Variants in AP2M1 observed in about 807,000 individuals in gnomAD.
AP2M1 encodes AP-2 complex subunit mu.
In AP2M1, 5 loss-of-function variants were observed where a neutral mutation model predicts 54.5. That is an observed-to-expected ratio of 0.09 (90% CI 0.05 to 0.19). AP2M1 has a LOEUF of 0.19. AP2M1 is among the 10% of genes least tolerant of loss of function. AP2M1 has a pLI of 1.00. For synonymous variants in AP2M1, 186 were observed against 208.2 expected (o/e 0.89, Z 0.92); for missense variants, 178 against 580.2 (o/e 0.31, Z 7.12).
chr3:184,174,918 G>C lies in AP2M1; in HGVS notation c.-85G>C, dbSNP rs547732375. 5.0e-6 allele frequency: 2 copies of C among 398,622 alleles called. No homozygotes were observed. The highest frequency in any genetic ancestry group is 1.3e-4 in the South Asian group (1 of 7,910). 24.7% of individuals were successfully genotyped at this position (398,622 alleles called of 1,614,324 possible). ...GGGCGGGCGGACATCTTGGGATCCG[G>C]AGAGTGGCCGGGCCGGCAGAGCAGG... On this transcript the variant is annotated 5_prime_UTR_variant, in exon 1 of 12. Transcript: ENST00000292807.
rs1231041378 is a variant in AP2M1, at chr3:184,177,047, A to G, written c.54A>G (p.Arg18=). Reference sequence around the variant, plus strand: ...ACAAGGGGGAGGTGCTCATCTCCCGAGTCTACCGAGATGACATCGGGTGAG... The same window carrying G: ...ACAAGGGGGAGGTGCTCATCTCCCGGGTCTACCGAGATGACATCGGGTGAG... ...YNHKGEVLIS[R]VYRDDIGRNA... The change falls in exon 2 of 12, where the codon CGA becomes CGG. Residue 18 remains arginine (R), a synonymous_variant. Coordinates refer to ENST00000292807, the MANE Select transcript of AP2M1 (RefSeq NM_004068.4). The G allele has an allele frequency of 6.2e-7, 1 of 1,613,692 alleles. No homozygotes were observed. Among genetic ancestry groups the G allele is most frequent in the Non-Finnish European group, 8.5e-7 (1 of 1,179,870 alleles).
At chr3:184,177,448 T>G in intron 2 of AP2M1, 1 of 1,210,856 alleles carries the variant, frequency 8.3e-7, no homozygotes, top group Non-Finnish European at 1.2e-6. Context: ...CATCTAAGCC[T>G]TGCTCTCAGA....
intron 1 of AP2M1, among the ~76,000 whole-genome samples, chr3:184,175,603 T>C (rs1274615458): frequency 6.6e-6 from 1 of 151,356 alleles, no homozygotes; most frequent in Non-Finnish European, 1.5e-5. Context: ...ACCTTTTCCA[T>C]ACTGGAAACC....
At position 184,178,123 on chromosome 3, in the gene AP2M1, C is replaced by T. The variant is rs990875801; in HGVS notation, c.75-734C>T. On this transcript the variant is annotated intron_variant, in intron 2 of 11. Transcript: ENST00000292807. The surrounding 1 kb of genome is among the most constrained non-coding windows in gnomAD (Gnocchi z 4.9). ...TGCCTCACGGTGTGTGCCGCCCTCC[C>T]GGTGTGTTGTGTGTCTAACCCTCTC... 66 of 1,416,896 alleles carry T rather than the reference C, an allele frequency of 4.7e-5. No individual in the cohort carries two copies. The highest frequency in any genetic ancestry group is 5.8e-5 in the Non-Finnish European group (60 of 1,038,420). The allele number at this position is 1,416,896 out of a possible 1,614,324, so 87.8% of individuals were successfully genotyped here. A position where few individuals can be genotyped will look rare whatever the true frequency, so the allele number is the denominator to read the frequency against.
chr3:184,176,304 T>G (rs997994496), intron 1 of AP2M1, among the ~76,000 whole-genome samples: 1 of 152,080 alleles, frequency 6.6e-6, no homozygotes, highest in Non-Finnish European at 1.5e-5. Flanking sequence ...CCTAGGACCT[T>G]CCTCCTGTGC....
Position 184,181,641 on chromosome 3 carries a change from C to T in AP2M1, c.708-55C>T. 6.2e-7 allele frequency: 1 copy of T among 1,600,786 alleles called. No individual in the cohort carries two copies. Among genetic ancestry groups the T allele is most frequent in the Non-Finnish European group, 8.5e-7 (1 of 1,172,128 alleles). ...AGCCTGGGGTGGAGTGGTCTCCCAG[C>T]ATGACAGCTGTCATTCTCCTGTACC... On this transcript the variant is annotated intron_variant, in intron 7 of 11. Transcript: ENST00000292807. This position sits in a 1 kb window ranked among gnomAD's most constrained non-coding sequence, Gnocchi z 5.7.
intron 3 of AP2M1, 125 bp downstream of exon 3, chr3:184,179,247 G>C (rs964006021): frequency 3.2e-6 from 4 of 1,268,960 alleles, no homozygotes; most frequent in Non-Finnish European, 4.4e-6. Flanking sequence ...TGAGTATTTG[G>C]TCTCTTGGGC....
At position 184,178,722 on chromosome 3, in the gene AP2M1, G is replaced by A; in HGVS notation, c.75-135G>A. On this transcript the variant is annotated intron_variant, in intron 2 of 11. Coordinates refer to ENST00000292807, the MANE Select transcript of AP2M1 (RefSeq NM_004068.4). The surrounding 1 kb of genome is among the most constrained non-coding windows in gnomAD (Gnocchi z 4.9). ...GAAGGGAACCACTCCAGTGGTTTAG[G>A]CATTGGCTTTCTTTGGAGTGTGTGT... 14 of 1,133,930 alleles carry A rather than the reference G, an allele frequency of 1.2e-5. No homozygotes were observed. The highest frequency in any genetic ancestry group is 3.0e-4 in the Middle Eastern group (1 of 3,354). 70.2% of individuals were successfully genotyped at this position (1,133,930 alleles called of 1,614,324 possible).
rs1354234738 is a variant in AP2M1 at position 184,181,313 on chromosome 3, C to T, written c.707+87C>T. 3 of 1,571,328 alleles carry T rather than the reference C, an allele frequency of 1.9e-6. No individual in the cohort carries two copies. The highest frequency in any genetic ancestry group is 1.4e-5 in the African/African-American group (1 of 74,066). On this transcript the variant is annotated intron_variant, in intron 7 of 11. Coordinates refer to ENST00000292807, the MANE Select transcript of AP2M1 (RefSeq NM_004068.4). The surrounding 1 kb of genome is among the most constrained non-coding windows in gnomAD (Gnocchi z 5.7). ...TGAACCACAAGTTTCTTCTGGATTTCATTCCCACTGTAATTGCAAACTCTG... is the reference window on the plus strand; with the variant it reads ...TGAACCACAAGTTTCTTCTGGATTTTATTCCCACTGTAATTGCAAACTCTG...
chr3:184,181,323 G>A lies in AP2M1; in HGVS notation c.707+97G>A. The A allele has an allele frequency of 1.3e-6, 2 of 1,548,642 alleles. No homozygotes were observed. Among genetic ancestry groups the A allele is most frequent in the East Asian group, 2.3e-5 (1 of 44,346 alleles). On this transcript the variant is annotated intron_variant, in intron 7 of 11. Coordinates refer to ENST00000292807, the MANE Select transcript of AP2M1 (RefSeq NM_004068.4). The surrounding 1 kb of genome is among the most constrained non-coding windows in gnomAD (Gnocchi z 5.7). Reference sequence around the variant, plus strand: ...GTTTCTTCTGGATTTCATTCCCACTGTAATTGCAAACTCTGTTCCTGACGG... The same window carrying A: ...GTTTCTTCTGGATTTCATTCCCACTATAATTGCAAACTCTGTTCCTGACGG...
chr3:184,180,580 T>C lies in AP2M1; in HGVS notation c.424-65T>C. ...CCTCTAGGATCCAAGCCTCATAGCT[T>C]TCTCCTCCTTTTCTGCCTCCCTTGC... is the stretch of plus-strand genomic sequence containing the variant. On this transcript the variant is annotated intron_variant, in intron 4 of 11. Coordinates refer to ENST00000292807, the MANE Select transcript of AP2M1 (RefSeq NM_004068.4). The surrounding 1 kb of genome is among the most constrained non-coding windows in gnomAD (Gnocchi z 4.9). 6.2e-7 allele frequency: 1 copy of C among 1,612,028 alleles called. No individual in the cohort carries two copies. The highest frequency in any genetic ancestry group is 8.5e-7 in the Non-Finnish European group (1 of 1,179,686).
Position 184,180,409 on chromosome 3 carries a change from T to TGGTCCTCCCACTGCA in AP2M1, c.423+161_423+175dup. The TGGTCCTCCCACTGCA allele has an allele frequency of 9.2e-7, 1 of 1,081,658 alleles. No individual in the cohort carries two copies. The allele number at this position is 1,081,658 out of a possible 1,614,324, so 67.0% of individuals were successfully genotyped here. On this transcript the variant is annotated intron_variant, in intron 4 of 11. Coordinates refer to ENST00000292807, the MANE Select transcript of AP2M1 (RefSeq NM_004068.4). This position sits in a 1 kb window ranked among gnomAD's most constrained non-coding sequence, Gnocchi z 4.9. ...GATTGCAGGCCGATTTTGCTCTGTGTGGTCCTCCCACTGCAGGAGCAGCCA... is the reference window on the plus strand; with the variant it reads ...GATTGCAGGCCGATTTTGCTCTGTGTGGTCCTCCCACTGCAGGTCCTCCCACTGCAGGAGCAGCCA...
At chr3:184,179,906 C>T (rs1412210069) in intron 3 of AP2M1, among the ~76,000 whole-genome samples, 1 of 152,186 alleles carries the variant, frequency 6.6e-6, no homozygotes, top group Non-Finnish European at 1.5e-5. Flanking sequence ...AGTGATTCTC[C>T]CACCTTGGCC....
rs759996213 is a variant in AP2M1 at position 184,182,880 on chromosome 3, G to C, written c.1173+12G>C. On this transcript the variant is annotated intron_variant, in intron 11 of 11. Coordinates refer to ENST00000292807, the MANE Select transcript of AP2M1 (RefSeq NM_004068.4). This position sits in a 1 kb window ranked among gnomAD's most constrained non-coding sequence, Gnocchi z 5.5. ...CCATGAACTTTGAGGTATGGCAGAG[G>C]AGGGGCCTAGAGTCATGCCAGGGTA... The C allele has an allele frequency of 1.0e-5, 16 of 1,606,408 alleles. No individual in the cohort carries two copies. In the African/African-American group the frequency reaches 2.1e-4, roughly 21 times the overall value.
In AP2M1 at chr3:184,182,747, G is replaced by A. The variant is rs1303283046; in HGVS notation, c.1062-10G>A. The A allele has an allele frequency of 6.2e-7, 1 of 1,612,266 alleles. No homozygotes were observed. The highest frequency in any genetic ancestry group is 1.3e-5 in the African/African-American group (1 of 74,886). On this transcript the variant is annotated splice_polypyrimidine_tract_variant and intron_variant, in intron 10 of 11. Transcript: ENST00000292807. This position sits in a 1 kb window ranked among gnomAD's most constrained non-coding sequence, Gnocchi z 5.5. The stretch of plus-strand genomic sequence containing the variant: ...CCCCAATGGGCTGCCCATTGTCCCT[G>A]TGTTCCCAGGATCAAGCGCATGGCA...
Position 184,178,263 on chromosome 3 carries a change from TGGGG to T in AP2M1, c.75-592_75-589del, listed in dbSNP as rs1715154167. On this transcript the variant is annotated intron_variant, in intron 2 of 11. Coordinates refer to ENST00000292807, the MANE Select transcript of AP2M1 (RefSeq NM_004068.4). The surrounding 1 kb of genome is among the most constrained non-coding windows in gnomAD (Gnocchi z 4.9). ...AAGCTGCTGCCCAGGTACAGGTGGG[TGGGG>T]GCCTGCCCCCATCGTTTTCCTGCAT... 1.3e-6 allele frequency: 2 copies of T among 1,534,206 alleles called. No homozygotes were observed. The highest frequency in any genetic ancestry group is 1.7e-6 in the Non-Finnish European group (2 of 1,145,268).
At chr3:184,179,199 T>G in intron 3 of AP2M1, 77 bp downstream of exon 3, 1 of 1,546,804 alleles carries the variant, frequency 6.5e-7, no homozygotes, top group Non-Finnish European at 8.8e-7. Context: ...AAGGTGGGTG[T>G]AGGTCCGAGG....
In AP2M1 at chr3:184,181,070, C is replaced by T. The variant is rs781556738; in HGVS notation, c.566-15C>T. 6 of 1,614,048 alleles carry T rather than the reference C, an allele frequency of 3.7e-6. No homozygotes were observed. The highest frequency in any genetic ancestry group is 5.1e-6 in the Non-Finnish European group (6 of 1,180,040). On this transcript the variant is annotated splice_polypyrimidine_tract_variant and intron_variant, in intron 6 of 11. Transcript: ENST00000292807. The surrounding 1 kb of genome is among the most constrained non-coding windows in gnomAD (Gnocchi z 5.7). Reference sequence around the variant, plus strand: ...CCTGACTCCGCTGCTCCCCATTTATCTGTTCCATCACCAGGGCAGGTGCTG... The same window carrying T: ...CCTGACTCCGCTGCTCCCCATTTATTTGTTCCATCACCAGGGCAGGTGCTG...
intron 2 of AP2M1, chr3:184,177,706 G>C (rs1053094298): frequency 8.3e-6 from 10 of 1,201,970 alleles, no homozygotes; most frequent in South Asian, 4.0e-5. Flanking sequence ...CCTTCACACA[G>C]AGCCACAGCC....
Sources: allele counts gnomAD v4.1 joint callset (sites outside exome capture counted in the v4.1 genomes callset), GRCh38; gene constraint gnomAD v4.1.1; non-coding constraint Gnocchi (gnomAD v3.1); transcripts MANE v1.5; gene names NCBI Gene and HGNC (gene_info 2026-07-23, HGNC 2026-07-21).